MAML2: variants seen among roughly 807,000 people sequenced by gnomAD.
The protein encoded by MAML2 is mastermind-like protein 2.
Under a neutral mutation model 96.1 loss-of-function variants are expected in MAML2, and 22 were observed. The ratio of observed to expected loss-of-function variants is 0.23; its 90% CI spans 0.16 to 0.33. The LOEUF is 0.33. MAML2 is among the 10% of genes least tolerant of loss of function. The pLI, the probability that MAML2 is intolerant of heterozygous loss-of-function variation, is 1.00. For missense variants in MAML2, 1,367 were observed against 1,392.4 expected, an observed-to-expected ratio of 0.98 and a Z score of 0.29; for synonymous variants, 561 against 521.3, an observed-to-expected ratio of 1.08 and a Z score of -1.04.
chr11:96,039,404 G>A (rs546281768), intron 2 of MAML2, among the ~76,000 whole-genome samples: 15 of 149,118 alleles, frequency 1.0e-4, no homozygotes, highest in African/African-American at 3.5e-4. Context: ...GACAGGAGAG[G>A]GGAGAGGGGA....
At chr11:96,223,998 G>A (rs2135949068) in intron 1 of MAML2, among the ~76,000 whole-genome samples, 1 of 152,152 alleles carries the variant, frequency 6.6e-6, no homozygotes, top group East Asian at 1.9e-4. Context: ...TATGCATAAG[G>A]GAAAAGAGAG....
chr11:96,273,195 A>C (rs1025381317), intron 1 of MAML2, among the ~76,000 whole-genome samples: 1 of 152,246 alleles, frequency 6.6e-6, no homozygotes, highest in African/African-American at 2.4e-5. Context: ...TCTGACAGCA[A>C]TTGAAAACAA....
chr11:96,243,035 G>GACACAC (rs34648958), intron 1 of MAML2, among the ~76,000 whole-genome samples: 150 of 150,078 alleles, frequency 1.0e-3, no homozygotes, highest in Middle Eastern at 3.5e-3. Flanking sequence ...CCAGTTCAGG[G>GACACAC]ACACACACAC....
chr11:96,326,503 A>G (rs1690027894), intron 1 of MAML2, among the ~76,000 whole-genome samples: 1 of 151,970 alleles, frequency 6.6e-6, no homozygotes, highest in Non-Finnish European at 1.5e-5. Flanking sequence ...CTTAAAAACT[A>G]TCTCGAGTTT....
intron 1 of MAML2, among the ~76,000 whole-genome samples, chr11:96,256,611 A>G (rs577060561): frequency 6.6e-6 from 1 of 152,346 alleles, no homozygotes; most frequent in South Asian, 2.1e-4. Flanking sequence ...ATAAGAACTT[A>G]GTGCTTGTCT....
intron 4 of MAML2, among the ~76,000 whole-genome samples, chr11:95,981,645 C>T (rs1030466025): frequency 6.6e-6 from 1 of 152,146 alleles, no homozygotes; most frequent in Non-Finnish European, 1.5e-5. Context: ...AGAACAGTCT[C>T]TTGTATCTCC....
chr11:96,045,903 T>G (rs1189524007), intron 2 of MAML2, among the ~76,000 whole-genome samples: 1 of 43,410 alleles, frequency 2.3e-5, no homozygotes, highest in South Asian at 9.5e-4. Context: ...CACACTTCTG[T>G]TTTTTTTTTT....
intron 4 of MAML2, 87 bp from the exon 5 acceptor site, chr11:95,980,050 A>G (rs1376714631): frequency 9.7e-7 from 1 of 1,035,688 alleles, no homozygotes; most frequent in Non-Finnish European, 1.4e-6. Context: ...TCAATCTGAA[A>G]CTGCTTTCAG....
At chr11:96,322,252 G>A (rs867708880) in intron 1 of MAML2, among the ~76,000 whole-genome samples, 18 of 152,124 alleles carry the variant, frequency 1.2e-4, no homozygotes, top group African/African-American at 4.3e-4. Context: ...TAAATTTGGA[G>A]TTAGAGGTCA....
chr11:96,235,191 T>G (rs1174933392), intron 1 of MAML2, among the ~76,000 whole-genome samples: 1 of 152,202 alleles, frequency 6.6e-6, no homozygotes, highest in East Asian at 1.9e-4. Flanking sequence ...ACTTCCATGC[T>G]TATTTTCTCC....
chr11:96,015,584 A>AGGG lies in MAML2; in HGVS notation c.2140-23864_2140-23862dup, dbSNP rs796502726. ...GCTAAGAAGGCAAAAAAAAAAAAAA[A>AGGG]GGGGGGGGGGGCAATTCATGAAGAC... On this transcript the variant is annotated intron_variant, in intron 2 of 4. Transcript: ENST00000524717. 5.9e-3 allele frequency among the ~76,000 whole-genome samples: 327 copies of AGGG among 55,192 alleles called. 4 individuals carry two copies. The highest frequency in any genetic ancestry group is 9.8e-3 in the Non-Finnish European group (274 of 27,990). 36.2% of individuals were successfully genotyped at this position (55,192 alleles called of 152,430 possible). A position where few individuals can be genotyped will look rare whatever the true frequency, so the allele number is the denominator to read the frequency against.
At chr11:96,043,541 T>G (rs1029527020) in intron 2 of MAML2, among the ~76,000 whole-genome samples, 5 of 148,182 alleles carry the variant, frequency 3.4e-5, no homozygotes, top group Non-Finnish European at 5.9e-5. Flanking sequence ...GAACTTATGC[T>G]GCACACAGAT....
At chr11:96,301,117 A>G (rs1863381237) in intron 1 of MAML2, among the ~76,000 whole-genome samples, 1 of 152,204 alleles carries the variant, frequency 6.6e-6, no homozygotes. Context: ...ACAATCGCCC[A>G]AGGGTCTCAT....
intron 1 of MAML2, among the ~76,000 whole-genome samples, chr11:96,096,222 A>T (rs778896981): frequency 6.6e-6 from 1 of 152,026 alleles, no homozygotes; most frequent in Non-Finnish European, 1.5e-5. Flanking sequence ...TGCTCTGGCC[A>T]CTCCCTGGGC....
intron 1 of MAML2, among the ~76,000 whole-genome samples, chr11:96,229,594 C>T (rs1266160435): frequency 1.4e-5 from 2 of 147,982 alleles, no homozygotes; most frequent in Admixed American, 1.4e-4. Context: ...ATGATCTCCC[C>T]AGAAGCTACC....
intron 2 of MAML2, among the ~76,000 whole-genome samples, chr11:96,066,601 C>T (rs528632522): frequency 3.9e-5 from 6 of 152,150 alleles, no homozygotes; most frequent in Non-Finnish European, 7.4e-5. Flanking sequence ...CATTGAATCC[C>T]ATAGGAATGA....
At chr11:96,234,720 T>C (rs535147738) in intron 1 of MAML2, among the ~76,000 whole-genome samples, 98 of 152,326 alleles carry the variant, frequency 6.4e-4, no homozygotes, top group African/African-American at 2.4e-3. Context: ...AAGCTTTCTT[T>C]ATGGTCCAAG....
intron 1 of MAML2, among the ~76,000 whole-genome samples, chr11:96,121,705 A>G (rs949532952): frequency 2.0e-5 from 3 of 151,546 alleles, no homozygotes; most frequent in Admixed American, 2.0e-4. Flanking sequence ...GAAAAAAAAG[A>G]GAGAAGACTA....
At chr11:96,173,515 G>A (rs186119512) in intron 1 of MAML2, among the ~76,000 whole-genome samples, 3 of 152,268 alleles carry the variant, frequency 2.0e-5, no homozygotes, top group East Asian at 1.9e-4. Context: ...GGGAAGAAAC[G>A]GGTAGGACAC....
Sources: allele counts gnomAD v4.1 joint callset (sites outside exome capture counted in the v4.1 genomes callset), GRCh38; gene constraint gnomAD v4.1.1; transcripts MANE v1.5; gene names NCBI Gene and HGNC (gene_info 2026-07-23, HGNC 2026-07-21).